Variants in PCDHA3 observed in about 807,000 individuals in gnomAD.
PCDHA3 encodes protocadherin alpha-3.
In PCDHA3, 41 loss-of-function variants were observed where a neutral mutation model predicts 62.2. That is an observed-to-expected ratio of 0.66 (90% CI 0.51 to 0.86). PCDHA3 has a LOEUF of 0.86. Ranked by LOEUF, PCDHA3 falls within the 40% of genes least tolerant of loss-of-function variation. The pLI is 0.00. For missense variants in PCDHA3, 1,304 were observed against 1,241.2 expected, an observed-to-expected ratio of 1.05 and a Z score of -0.76; for synonymous variants, 640 against 555.4, an observed-to-expected ratio of 1.15 and a Z score of -2.14.
At chr5:140,870,439 G>A (rs374343977) in intron 1 of PCDHA3, 5 of 1,614,126 alleles carry the variant, frequency 3.1e-6, no homozygotes, top group African/African-American at 2.7e-5. Flanking sequence ...GGAGGTGGCC[G>A]ACGTGAACGA....
At chr5:140,961,205 T>C (rs1215243152) in intron 1 of PCDHA3, among the ~76,000 whole-genome samples, 2 of 152,172 alleles carry the variant, frequency 1.3e-5, no homozygotes, top group Non-Finnish European at 2.9e-5. Context: ...GAGGTTGGTA[T>C]TGATGAAGAA....
intron 1 of PCDHA3, chr5:140,853,754 A>G: frequency 1.0e-6 from 1 of 988,728 alleles, no homozygotes; most frequent in Non-Finnish European, 1.2e-6. Context: ...TCAAGGCTCC[A>G]CCTCAGAAAT....
chr5:140,852,725 A>G lies in PCDHA3; in HGVS notation c.2394+49134A>G. The G allele has an allele frequency of 3.1e-6, 3 of 983,054 alleles. 1 individual carries two copies. The highest frequency in any genetic ancestry group is 3.7e-6 in the Non-Finnish European group (3 of 815,624). 60.9% of individuals were successfully genotyped at this position (983,054 alleles called of 1,614,324 possible). A position where few individuals can be genotyped will look rare whatever the true frequency, so the allele number is the denominator to read the frequency against. On this transcript the variant is annotated intron_variant, in intron 1 of 3. Coordinates refer to ENST00000522353, the MANE Select transcript of PCDHA3 (RefSeq NM_018906.3). ...GTATCTTTGTCTTTGCACGTTTTTC[A>G]AGTTTCATGTGCCATTTAAACTTGG...
intron 1 of PCDHA3, chr5:140,969,129 C>T: frequency 6.2e-7 from 1 of 1,614,144 alleles, no homozygotes; most frequent in Non-Finnish European, 8.5e-7. Context: ...GGCTCCCTCA[C>T]CAAGACCTAC....
At chr5:140,989,582 G>A (rs1554250917) in intron 3 of PCDHA3, among the ~76,000 whole-genome samples, 1 of 152,200 alleles carries the variant, frequency 6.6e-6, no homozygotes, top group Non-Finnish European at 1.5e-5. Flanking sequence ...CCTGTCCTCA[G>A]CCTCACTGAC....
At chr5:140,908,185 G>C (rs1399259532) in intron 1 of PCDHA3, among the ~76,000 whole-genome samples, 1 of 152,148 alleles carries the variant, frequency 6.6e-6, no homozygotes, top group East Asian at 1.9e-4. Flanking sequence ...TCCACTTTCA[G>C]GTGGTGGACA....
At chr5:140,808,369 C>T in intron 1 of PCDHA3, 2 of 1,614,208 alleles carry the variant, frequency 1.2e-6, no homozygotes, top group South Asian at 1.1e-5. Flanking sequence ...CCCACGTCCC[C>T]TTCAAGCTGG....
At chr5:141,009,494 A>T in intron 3 of PCDHA3, 133 bp from the exon 4 acceptor site, 1 of 1,488,918 alleles carries the variant, frequency 6.7e-7, no homozygotes, top group South Asian at 1.4e-5. Flanking sequence ...TTGCCCTCAG[A>T]CTTGAACAAA....
intron 1 of PCDHA3, among the ~76,000 whole-genome samples, chr5:140,846,666 G>A (rs1419138961): frequency 6.7e-6 from 1 of 149,080 alleles, no homozygotes; most frequent in Non-Finnish European, 1.5e-5. Flanking sequence ...GAGCCACCGC[G>A]CCCAGCCTAA....
At chr5:140,886,680 G>T (rs1554182653) in intron 1 of PCDHA3, among the ~76,000 whole-genome samples, 1 of 151,946 alleles carries the variant, frequency 6.6e-6, no homozygotes, top group Non-Finnish European at 1.5e-5. Context: ...ACAAAAATTA[G>T]CGAGGCATGG....
At chr5:140,805,639 A>T (rs1291118758) in intron 1 of PCDHA3, 1 of 873,032 alleles carries the variant, frequency 1.1e-6, no homozygotes, top group Non-Finnish European at 1.4e-6. Context: ...TGGTTTATTT[A>T]TTGGGAAGTC....
chr5:140,953,093 A>T (rs2153698233), intron 1 of PCDHA3, among the ~76,000 whole-genome samples: 1 of 152,346 alleles, frequency 6.6e-6, no homozygotes, highest in East Asian at 1.9e-4. Flanking sequence ...TTACAATTTG[A>T]CATGAGATTT....
At chr5:140,967,970 C>T (rs2096204544) in intron 1 of PCDHA3, 2 of 1,614,202 alleles carry the variant, frequency 1.2e-6, no homozygotes, top group South Asian at 2.2e-5. Context: ...GAAAGTGAGC[C>T]TGGGTCTGGA....
chr5:140,857,035 G>A (rs1358871197), intron 1 of PCDHA3: 4 of 1,596,218 alleles, frequency 2.5e-6, no homozygotes, highest in Non-Finnish European at 3.4e-6. Context: ...ACCCACCTAT[G>A]GTTGGTCACT....
In PCDHA3 at chr5:141,000,421, A is replaced by ATTTTT. The variant is rs34755515; in HGVS notation, c.2543-9187_2543-9183dup. Among the ~76,000 whole-genome samples, 110 of 27,976 alleles carry ATTTTT rather than the reference A, an allele frequency of 3.9e-3. 3 individuals carry two copies. Among genetic ancestry groups the ATTTTT allele is most frequent in the Non-Finnish European group, 5.0e-3 (89 of 17,656 alleles). The allele number at this position is 27,976 out of a possible 152,430, so 18.4% of individuals were successfully genotyped here. ...TATATATATATATATATATATATATATTTTTTTTTTTTTTTTTTTTTTTGA... is the reference window on the plus strand; with the variant it reads ...TATATATATATATATATATATATATATTTTTTTTTTTTTTTTTTTTTTTTTTTTGA... On this transcript the variant is annotated intron_variant, in intron 3 of 3. Coordinates refer to ENST00000522353, the MANE Select transcript of PCDHA3 (RefSeq NM_018906.3).
At chr5:140,829,290 C>T (rs1554131868) in intron 1 of PCDHA3, 1 of 1,614,136 alleles carries the variant, frequency 6.2e-7, no homozygotes, top group African/African-American at 1.3e-5. Context: ...CTGGTGTCCA[C>T]CTTCAAGAAT....
At chr5:140,926,584 C>T in intron 1 of PCDHA3, 1 of 285,400 alleles carries the variant, frequency 3.5e-6, no homozygotes, top group Non-Finnish European at 6.4e-6. Context: ...GCACCTCTCG[C>T]GCCCGGGCGG....
At chr5:140,873,007 C>G (rs1363151505) in intron 1 of PCDHA3, among the ~76,000 whole-genome samples, 2 of 152,088 alleles carry the variant, frequency 1.3e-5, no homozygotes, top group East Asian at 3.8e-4. Context: ...AGTCATTCTT[C>G]ATATTTAGTT....
chr5:140,882,918 G>A (rs1554176085), intron 1 of PCDHA3: 1 of 1,614,186 alleles, frequency 6.2e-7, no homozygotes, highest in South Asian at 1.1e-5. Context: ...GCCAGTGATG[G>A]AGGTAAACCC....
Sources: allele counts gnomAD v4.1 joint callset (sites outside exome capture counted in the v4.1 genomes callset), GRCh38; gene constraint gnomAD v4.1.1; transcripts MANE v1.5; gene names NCBI Gene and HGNC (gene_info 2026-07-23, HGNC 2026-07-21).